The following SPHKAP variants were observed in gnomAD, a reference collection of about 807,000 sequenced individuals.
SPHKAP encodes the protein A-kinase anchor protein SPHKAP.
In SPHKAP, 67 loss-of-function variants were observed where a neutral mutation model predicts 137.5. The ratio of observed to expected loss-of-function variants is 0.49; its 90% CI spans 0.40 to 0.60. The LOEUF (loss-of-function observed/expected upper bound fraction) is 0.60. SPHKAP is among the 20% of genes least tolerant of loss of function. SPHKAP has a pLI of 0.00. For synonymous variants in SPHKAP, 813 were observed against 785.3 expected (o/e 1.04, Z -0.59); for missense variants, 2,097 against 2,069.3 (o/e 1.01, Z -0.26).
At chr2:228,049,157 C>G (rs1202067155) in intron 3 of SPHKAP, among the ~76,000 whole-genome samples, 2 of 152,034 alleles carry the variant, frequency 1.3e-5, no homozygotes, top group African/African-American at 4.8e-5. Flanking sequence ...AGGGTTTAAA[C>G]ACATACAGCT....
intron 1 of SPHKAP, among the ~76,000 whole-genome samples, chr2:228,141,261 T>C (rs1699599204): frequency 6.6e-6 from 1 of 152,224 alleles, no homozygotes; most frequent in Non-Finnish European, 1.5e-5. Context: ...CAACCCTCTC[T>C]AAACCTTAGT....
In SPHKAP at chr2:228,023,961, T is replaced by C. The variant is rs371777529; in HGVS notation, c.441+1433A>G. Among the ~76,000 whole-genome samples, 103 of 152,282 alleles carry C rather than the reference T, an allele frequency of 6.8e-4. 1 individual carries two copies. The highest frequency in any genetic ancestry group is 3.4e-3 in the Middle Eastern group (1 of 294). ...CACCTGGAAATGACGTCCCATTCAC[T>C]CTTTCCCGACTTGAACCCAAAAAGA... On this transcript the variant is annotated intron_variant, in intron 5 of 11. Coordinates refer to ENST00000392056, the MANE Select transcript of SPHKAP (RefSeq NM_001142644.2).
chr2:228,092,452 G>A (rs115931376), intron 3 of SPHKAP, among the ~76,000 whole-genome samples: 105 of 22,476 alleles, frequency 4.7e-3, no homozygotes, highest in Admixed American at 8.5e-3. Flanking sequence ...CCATATATAT[G>A]TATACATATA....
At chr2:228,052,437 T>C (rs966140953) in intron 3 of SPHKAP, among the ~76,000 whole-genome samples, 3 of 152,160 alleles carry the variant, frequency 2.0e-5, no homozygotes, top group African/African-American at 4.8e-5. Flanking sequence ...TATCATGGCT[T>C]CCAGTTTAAA....
chr2:228,014,791 T>C (rs916161127), intron 7 of SPHKAP, among the ~76,000 whole-genome samples: 4 of 152,220 alleles, frequency 2.6e-5, no homozygotes, highest in African/African-American at 9.6e-5. Flanking sequence ...TGTGTTCAAC[T>C]TGTTGGCTGC....
intron 1 of SPHKAP, among the ~76,000 whole-genome samples, chr2:228,173,365 C>A (rs1360036789): frequency 1.3e-5 from 2 of 152,144 alleles, no homozygotes; most frequent in African/African-American, 2.4e-5. Context: ...GTATATGTGA[C>A]ATTGTATGAC....
At chr2:228,042,116 A>G (rs771126598) in intron 3 of SPHKAP, among the ~76,000 whole-genome samples, 1 of 152,222 alleles carries the variant, frequency 6.6e-6, no homozygotes, top group Non-Finnish European at 1.5e-5. Flanking sequence ...GCAAACAAAC[A>G]AACAACCAAT....
Position 228,017,728 on chromosome 2 carries a change from C to T in SPHKAP, c.3126G>A (p.Val1042=). The change falls in exon 7 of 12, where the codon GTG becomes GTA. Residue 1042 remains valine (V), a synonymous_variant. Transcript: ENST00000392056. ...CCGTTAGGTTCATGATCTTGGCTGC[C>T]ACTTCATTGGCAAAAAGATTGACAG... The part of the protein sequence containing the change: ...PDSVNLFANE[V]AAKIMNLTEF... 1 of 1,614,092 alleles carries T rather than the reference C, an allele frequency of 6.2e-7. No homozygotes were observed. Among genetic ancestry groups the T allele is most frequent in the Non-Finnish European group, 8.5e-7 (1 of 1,180,002 alleles).
chr2:227,991,173 C>T lies in SPHKAP; in HGVS notation c.4786G>A (p.Gly1596Arg). The change falls in exon 11 of 12, where the codon GGA becomes AGA. Residue 1596 changes from glycine (G) to arginine (R), a missense_variant. Transcript: ENST00000392056. ...GGGCTGGCTGTTCCCGTAGGCGGTC[C>T]AGATGCAGGTGCTGAGAACAGACAC... is the stretch of plus-strand genomic sequence containing the variant. ...QSESTEAPAS[G>R]PPTGTASPQR... 2 of 1,614,068 alleles carry T rather than the reference C, an allele frequency of 1.2e-6. No homozygotes were observed.
At chr2:228,000,583 A>C (rs1157102729) in intron 7 of SPHKAP, among the ~76,000 whole-genome samples, 1 of 151,848 alleles carries the variant, frequency 6.6e-6, no homozygotes, top group African/African-American at 2.4e-5. Context: ...GCGCCACTGC[A>C]CTCCAGCCTG....
At chr2:228,092,168 TAC>T (rs1402956180) in intron 3 of SPHKAP, among the ~76,000 whole-genome samples, 3 of 108,916 alleles carry the variant, frequency 2.8e-5, no homozygotes, top group East Asian at 2.5e-4. Context: ...TATATGTGTG[TAC>T]ACACACATGT....
chr2:228,162,015 A>G (rs1351417790), intron 1 of SPHKAP, among the ~76,000 whole-genome samples: 3 of 152,236 alleles, frequency 2.0e-5, no homozygotes, highest in Non-Finnish European at 4.4e-5. Flanking sequence ...ATCATGGCCC[A>G]GAGGAAGGAG....
chr2:228,152,025 C>T (rs567592518), intron 1 of SPHKAP, among the ~76,000 whole-genome samples: 3 of 152,010 alleles, frequency 2.0e-5, no homozygotes, highest in Non-Finnish European at 4.4e-5. Context: ...ATTTGTTATC[C>T]ATTTAGAAAT....
chr2:228,064,418 G>T (rs1696759102), intron 3 of SPHKAP, among the ~76,000 whole-genome samples: 1 of 152,096 alleles, frequency 6.6e-6, no homozygotes, highest in African/African-American at 2.4e-5. Context: ...ATAATGTGAT[G>T]TTTTTACTTT....
intron 3 of SPHKAP, among the ~76,000 whole-genome samples, chr2:228,084,930 C>T (rs1463337120): frequency 3.3e-5 from 5 of 152,286 alleles, no homozygotes; most frequent in Admixed American, 2.0e-4. Flanking sequence ...ATTTCCTTTG[C>T]TGTTACTGAG....
chr2:227,991,145 T>C lies in SPHKAP; in HGVS notation c.4814A>G (p.Gln1605Arg). ...SGPPTGTASP[Q>R]RSLLVINFDL... The stretch of plus-strand genomic sequence containing the variant: ...AAAGTTGATCACCAGCAGGCTCCTC[T>C]GGGGGCTGGCTGTTCCCGTAGGCGG... Residue 1605 changes from glutamine (Q) to arginine (R), a missense_variant, in exon 11 of 12, where the codon CAG (glutamine) becomes CGG (arginine). Gln to Arg is a conservative substitution (Grantham distance 43). Coordinates refer to ENST00000392056, the MANE Select transcript of SPHKAP (RefSeq NM_001142644.2). The C allele has an allele frequency of 6.2e-7, 1 of 1,614,102 alleles. No individual in the cohort carries two copies. Among genetic ancestry groups the C allele is most frequent in the Non-Finnish European group, 8.5e-7 (1 of 1,180,006 alleles).
At chr2:228,048,701 G>A (rs1696152968) in intron 3 of SPHKAP, among the ~76,000 whole-genome samples, 2 of 152,172 alleles carry the variant, frequency 1.3e-5, no homozygotes, top group Non-Finnish European at 2.9e-5. Flanking sequence ...TAGCCGAGAA[G>A]CAATGGGCTA....
intron 1 of SPHKAP, chr2:228,173,030 A>G: frequency 1.0e-6 from 1 of 985,436 alleles, no homozygotes; most frequent in African/African-American, 1.7e-5. Context: ...AACATGTGCC[A>G]AAGAGTGAAT....
intron 2 of SPHKAP, among the ~76,000 whole-genome samples, chr2:228,122,182 A>C (rs1013325265): frequency 2.0e-5 from 3 of 152,214 alleles, no homozygotes; most frequent in Admixed American, 2.0e-4. Context: ...GAATGACCAC[A>C]GGAATTCAGA....
Sources: gnomAD v4.1 joint callset for allele counts (sites outside exome capture counted in the v4.1 genomes callset) on GRCh38, gnomAD v4.1.1 for gene constraint, MANE v1.5 for transcripts, NCBI Gene and HGNC (gene_info 2026-07-23, HGNC 2026-07-21) for gene names.